HTR1E: variants seen among roughly 807,000 people sequenced by gnomAD.
HTR1E encodes 5-HT-1E.
HTR1E carries 3 observed loss-of-function variants against 3.4 expected under a neutral mutation model. The ratio of observed to expected loss-of-function variants is 0.89; its 90% CI spans 0.41 to 2.31. The LOEUF is 2.31. Ranked by LOEUF, HTR1E falls within the 30% of genes most tolerant of loss-of-function variation. The probability of loss-of-function intolerance (pLI) is 0.05; values close to 1 mark genes in which losing one functional copy is unlikely to be tolerated. For missense variants in HTR1E, 392 were observed against 467.0 expected (o/e 0.84, Z 1.48); for synonymous variants, 170 against 182.8 (o/e 0.93, Z 0.56).
At chr6:86,959,598 T>C (rs1767378295) in intron 1 of HTR1E, among the ~76,000 whole-genome samples, 3 of 152,140 alleles carry the variant, frequency 2.0e-5, no homozygotes, top group Non-Finnish European at 1.5e-5. Flanking sequence ...CCTAGCCAGG[T>C]TGAAACACAA....
chr6:87,015,206 C>A lies in HTR1E; in HGVS notation c.-129C>A. 1 of 640,844 alleles carries A rather than the reference C, an allele frequency of 1.6e-6. No individual in the cohort carries two copies. The highest frequency in any genetic ancestry group is 2.3e-6 in the Non-Finnish European group (1 of 426,492). The allele number at this position is 640,844 out of a possible 1,614,324, so 39.7% of individuals were successfully genotyped here. On this transcript the variant is annotated 5_prime_UTR_variant, in exon 2 of 2. Transcript: ENST00000305344. ...TTCCCTTTACCAACAGAAAATGGAA[C>A]ACAAGAGACCACATAGCTGAACAAA...
intron 1 of HTR1E, among the ~76,000 whole-genome samples, chr6:86,939,719 G>C (rs532007254): frequency 6.6e-6 from 1 of 152,286 alleles, no homozygotes; most frequent in South Asian, 2.1e-4. Context: ...AAATTCCACA[G>C]AAATCAGCAT....
chr6:86,965,521 G>C (rs56156206), intron 1 of HTR1E, among the ~76,000 whole-genome samples: 24,143 of 151,988 alleles, frequency 0.16, 2,213 homozygotes, highest in East Asian at 0.29. Flanking sequence ...GAGTCATCAA[G>C]AGTTTGTAGA....
At chr6:86,958,079 G>A (rs1395023899) in intron 1 of HTR1E, among the ~76,000 whole-genome samples, 1 of 127,540 alleles carries the variant, frequency 7.8e-6, no homozygotes, top group Non-Finnish European at 1.6e-5. Context: ...TTTTTTTTGA[G>A]ACAGAGTCTC....
At chr6:86,946,938 G>T (rs1768625008) in intron 1 of HTR1E, among the ~76,000 whole-genome samples, 1 of 152,096 alleles carries the variant, frequency 6.6e-6, no homozygotes, top group African/African-American at 2.4e-5. Flanking sequence ...CCAACATGAA[G>T]AAACCCTGTC....
intron 1 of HTR1E, among the ~76,000 whole-genome samples, chr6:87,005,720 C>A (rs1768093437): frequency 6.6e-6 from 1 of 152,048 alleles, no homozygotes; most frequent in Non-Finnish European, 1.5e-5. Context: ...CACAGGCAAC[C>A]AAAAGTGAAC....
intron 1 of HTR1E, among the ~76,000 whole-genome samples, chr6:86,992,437 G>A (rs1767882111): frequency 6.6e-6 from 1 of 152,130 alleles, no homozygotes; most frequent in South Asian, 2.1e-4. Flanking sequence ...TACTATGAAT[G>A]TTTACCAAAG....
intron 1 of HTR1E, among the ~76,000 whole-genome samples, chr6:87,013,299 G>A (rs893059772): frequency 3.3e-5 from 5 of 152,172 alleles, no homozygotes; most frequent in African/African-American, 9.7e-5. Context: ...TGGAAATGAG[G>A]AGCAGCGTAC....
At chr6:86,997,546 A>G (rs1767961139) in intron 1 of HTR1E, among the ~76,000 whole-genome samples, 2 of 151,870 alleles carry the variant, frequency 1.3e-5, no homozygotes, top group Admixed American at 1.3e-4. Flanking sequence ...TATCCTAAAA[A>G]TATATATGTG....
Position 87,016,144 on chromosome 6 carries a change from T to C in HTR1E, c.810T>C (p.Asn270=). The C allele has an allele frequency of 6.2e-7, 1 of 1,614,102 alleles. No homozygotes were observed. Among genetic ancestry groups the C allele is most frequent in the Non-Finnish European group, 8.5e-7 (1 of 1,180,008 alleles). ...CCATCAGGATCCCCCCCTTCGACAATGATCTAGATCACCCAGGAGAACGTC... is the reference window on the plus strand; with the variant it reads ...CCATCAGGATCCCCCCCTTCGACAACGATCTAGATCACCCAGGAGAACGTC... ...HASIRIPPFD[N]DLDHPGERQQ... is the part of the protein sequence containing the mutation. Residue 270 remains asparagine, a synonymous_variant, in exon 2 of 2, where the codon AAT becomes AAC. Coordinates refer to ENST00000305344, the MANE Select transcript of HTR1E (RefSeq NM_000865.3).
chr6:86,964,553 A>G (rs1767450257), intron 1 of HTR1E, among the ~76,000 whole-genome samples: 1 of 152,160 alleles, frequency 6.6e-6, no homozygotes. Context: ...CTCTGCCTTT[A>G]TATTTTCTTT....
At chr6:86,966,036 CA>C (rs1305557878) in intron 1 of HTR1E, among the ~76,000 whole-genome samples, 14 of 149,924 alleles carry the variant, frequency 9.3e-5, no homozygotes, top group East Asian at 2.0e-4. Flanking sequence ...CTAACACCCA[CA>C]AAAAAAAATA....
intron 1 of HTR1E, among the ~76,000 whole-genome samples, chr6:86,972,118 G>A (rs1767566522): frequency 6.6e-6 from 1 of 152,120 alleles, no homozygotes; most frequent in African/African-American, 2.4e-5. Context: ...ACTTTAGTTG[G>A]TGGGATTTTC....
intron 1 of HTR1E, among the ~76,000 whole-genome samples, chr6:86,975,961 TCCCA>T (rs1322259550): frequency 6.6e-6 from 1 of 151,174 alleles, no homozygotes; most frequent in East Asian, 1.9e-4. Flanking sequence ...TCTCTCTCTC[TCCCA>T]TTCCTTTACC....
intron 1 of HTR1E, among the ~76,000 whole-genome samples, chr6:86,999,791 G>C (rs1048016841): frequency 2.0e-5 from 3 of 152,102 alleles, no homozygotes; most frequent in African/African-American, 7.2e-5. Context: ...CTCAGTGTGA[G>C]AGCATCTCCC....
chr6:86,947,140 T>A lies in HTR1E; in HGVS notation c.-186+9317T>A, dbSNP rs561388710. Among the ~76,000 whole-genome samples the A allele has an allele frequency of 4.6e-5, 7 of 152,164 alleles. No individual in the cohort carries two copies. In the East Asian group the frequency reaches 1.4e-3, roughly 29 times the overall value. On this transcript the variant is annotated intron_variant, in intron 1 of 1. Coordinates refer to ENST00000305344, the MANE Select transcript of HTR1E (RefSeq NM_000865.3). ...TCAAAAAAAAAATGCACAGAGAAGGTTTCCATGTATCTAGTGGAATTGTAC... is the reference window on the plus strand; with the variant it reads ...TCAAAAAAAAAATGCACAGAGAAGGATTCCATGTATCTAGTGGAATTGTAC...
At position 86,973,298 on chromosome 6, in the gene HTR1E, CTGTGTGTGTGTGTGTGTG is replaced by C. The variant is rs3043129; in HGVS notation, c.-186+35491_-186+35508del. Reference sequence around the variant, plus strand: ...TAATGAGCCAGAACAAAGGCAGTGGCTGTGTGTGTGTGTGTGTGTGTGTGTGTGTGTGTCTGTGTGTGT... The same window carrying C: ...TAATGAGCCAGAACAAAGGCAGTGGCTGTGTGTGTGTGTGTCTGTGTGTGT... On this transcript the variant is annotated intron_variant, in intron 1 of 1. Coordinates refer to ENST00000305344, the MANE Select transcript of HTR1E (RefSeq NM_000865.3). 5.2e-3 allele frequency among the ~76,000 whole-genome samples: 779 copies of C among 149,600 alleles called. 7 individuals are homozygous for C. Among genetic ancestry groups the C allele is most frequent in the African/African-American group, 0.018 (733 of 40,648 alleles).
At chr6:86,963,674 C>T (rs117389875) in intron 1 of HTR1E, among the ~76,000 whole-genome samples, 4,240 of 152,178 alleles carry the variant, frequency 0.028, 79 homozygotes, top group Non-Finnish European at 0.04. Flanking sequence ...TGTTTAAATA[C>T]ACAAATATCA....
chr6:87,008,895 T>G (rs1768158046), intron 1 of HTR1E, among the ~76,000 whole-genome samples: 1 of 152,184 alleles, frequency 6.6e-6, no homozygotes, highest in Admixed American at 6.5e-5. Context: ...ATCACAATCG[T>G]GTCTCCTCCT....
Sources: allele counts gnomAD v4.1 joint callset (sites outside exome capture counted in the v4.1 genomes callset), GRCh38; gene constraint gnomAD v4.1.1; transcripts MANE v1.5; gene names NCBI Gene and HGNC (gene_info 2026-07-23, HGNC 2026-07-21).